The following NAAA variants were observed in gnomAD, a reference collection of about 807,000 sequenced individuals.
NAAA encodes N-acylethanolamine-hydrolyzing acid amidase.
A neutral mutation model predicts 44.8 loss-of-function variants in NAAA; 39 were observed. That is an observed-to-expected ratio of 0.87 (90% CI 0.67 to 1.14). The LOEUF (loss-of-function observed/expected upper bound fraction) is 1.14, where lower values mean the gene tolerates loss of function less well. Among genes scored for constraint, NAAA ranks in the 50% most tolerant of loss-of-function variants. NAAA has a pLI of 0.00. For missense variants in NAAA, 460 were observed against 467.8 expected (o/e 0.98, Z 0.15); for synonymous variants, 178 against 191.3 (o/e 0.93, Z 0.58).
intron 9 of NAAA, chr4:75,917,922 A>T (rs1039131849): frequency 4.1e-6 from 1 of 245,466 alleles, no homozygotes; most frequent in Non-Finnish European, 8.3e-6. Flanking sequence ...TCAGTGGAAC[A>T]AGGAACAGCT....
intron 3 of NAAA, among the ~76,000 whole-genome samples, chr4:75,931,879 G>C (rs1418528901): frequency 6.6e-6 from 1 of 152,156 alleles, no homozygotes; most frequent in Non-Finnish European, 1.5e-5. Flanking sequence ...CCAAAGGGGT[G>C]CACAAAGCAG....
At chr4:75,934,586 CA>C (rs1418335604) in intron 3 of NAAA, among the ~76,000 whole-genome samples, 3 of 151,996 alleles carry the variant, frequency 2.0e-5, no homozygotes, top group South Asian at 2.1e-4. Context: ...CTCGGCCTCC[CA>C]AAGTGTTGGG....
intron 4 of NAAA, among the ~76,000 whole-genome samples, chr4:75,930,103 CAAACA>C (rs977970782): frequency 1.1e-4 from 16 of 152,052 alleles, no homozygotes; most frequent in African/African-American, 3.6e-4. Context: ...CAAAAACAAA[CAAACA>C]AAACAAAACA....
intron 2 of NAAA, 135 bp from the exon 3 acceptor site, chr4:75,936,370 C>T (rs1727721262): frequency 1.1e-6 from 1 of 931,454 alleles, no homozygotes; most frequent in African/African-American, 1.7e-5. Context: ...TGCTATAATG[C>T]TTGTATAAGA....
At position 75,919,983 on chromosome 4, in the gene NAAA, G is replaced by A; in HGVS notation, c.903-8C>T. Reference sequence around the variant, plus strand: ...GCCTTGATGGCAGATGTTCTGTAAGGACAAAGGTCGAAGGTCACTTGGCAT... The same window carrying A: ...GCCTTGATGGCAGATGTTCTGTAAGAACAAAGGTCGAAGGTCACTTGGCAT... On this transcript the variant is annotated splice_region_variant and splice_polypyrimidine_tract_variant and intron_variant, in intron 7 of 10. Transcript: ENST00000286733. 3 of 1,613,300 alleles carry A rather than the reference G, an allele frequency of 1.9e-6. No homozygotes were observed. The highest frequency in any genetic ancestry group is 2.5e-6 in the Non-Finnish European group (3 of 1,179,306).
In NAAA at chr4:75,940,858, G is replaced by T. The variant is rs1320159340; in HGVS notation, c.92C>A (p.Pro31Gln). The change falls in exon 1 of 11, where the codon CCA (proline) becomes CAA (glutamine). Residue 31 changes from proline to glutamine, a missense_variant. Pro to Gln is a moderately conservative substitution (Grantham distance 76). Coordinates refer to ENST00000286733, the MANE Select transcript of NAAA (RefSeq NM_014435.4). ...GCTCACGTTGAAGCGCGGCGCTGCT[G>T]GGGGCGAGGCGGCTGACAGCCCGGC... ...AGAGLSAASP[P>Q]AAPRFNVSLD... 1 of 1,581,714 alleles carries T rather than the reference G, an allele frequency of 6.3e-7. No homozygotes were observed. The highest frequency in any genetic ancestry group is 1.7e-5 in the Admixed American group (1 of 58,568).
chr4:75,912,559 A>AC (rs111308696), downstream of NAAA, among the ~76,000 whole-genome samples: 70 of 130,800 alleles, frequency 5.4e-4, 1 homozygote, highest in East Asian at 6.6e-3. Flanking sequence ...GTCTGGAAAA[A>AC]AAAAAAAAAA....
chr4:75,928,411 T>C (rs1307118954), intron 4 of NAAA, among the ~76,000 whole-genome samples: 2 of 152,164 alleles, frequency 1.3e-5, no homozygotes, highest in East Asian at 3.8e-4. Context: ...AGTTCTGCTG[T>C]CAGAGCTGAT....
At chr4:75,915,096 T>A (rs531677264) in intron 9 of NAAA, 111 bp from the exon 10 acceptor site, 1 of 753,244 alleles carries the variant, frequency 1.3e-6, no homozygotes, top group African/African-American at 1.7e-5. Context: ...CAAGGCCCTT[T>A]ATGCCAGAAT....
rs1348359035 is a variant in NAAA, at chr4:75,914,108, G to T, written c.*267C>A. Reference sequence around the variant, plus strand: ...GACCAATTATCTTTGAGTTATTCAGGCCAGGATAGAAGCTTAGAGAGGATC... The same window carrying T: ...GACCAATTATCTTTGAGTTATTCAGTCCAGGATAGAAGCTTAGAGAGGATC... On this transcript the variant is annotated 3_prime_UTR_variant, in exon 11 of 11. Coordinates refer to ENST00000286733, the MANE Select transcript of NAAA (RefSeq NM_014435.4). 10 of 985,430 alleles carry T rather than the reference G, an allele frequency of 1.0e-5. No homozygotes were observed. Among genetic ancestry groups the T allele is most frequent in the South Asian group, 4.7e-5 (1 of 21,282 alleles). 61.0% of individuals were successfully genotyped at this position (985,430 alleles called of 1,614,324 possible).
Position 75,914,010 on chromosome 4 carries a change from G to C in NAAA, c.*365C>G. The C allele has an allele frequency of 1.0e-6, 1 of 985,352 alleles. No individual in the cohort carries two copies. Among genetic ancestry groups the C allele is most frequent in the Non-Finnish European group, 1.2e-6 (1 of 829,926 alleles). 61.0% of individuals were successfully genotyped at this position (985,352 alleles called of 1,614,324 possible). A position where few individuals can be genotyped will look rare whatever the true frequency, so the allele number is the denominator to read the frequency against. ...GGTCTTGCCAGCTCATTTCATTAGC[G>C]GAGAAGCAAAGGTATGATGGCAGAA... On this transcript the variant is annotated 3_prime_UTR_variant, in exon 11 of 11. Transcript: ENST00000286733.
chr4:75,939,100 G>A (rs538869269), intron 2 of NAAA, among the ~76,000 whole-genome samples: 1 of 152,186 alleles, frequency 6.6e-6, no homozygotes, highest in East Asian at 1.9e-4. Flanking sequence ...TGATTCACCC[G>A]CCTCGGCCTC....
At chr4:75,927,635 C>T (rs76848614) in intron 4 of NAAA, among the ~76,000 whole-genome samples, 2 of 4,360 alleles carry the variant, frequency 4.6e-4, no homozygotes, top group African/African-American at 3.2e-3. Flanking sequence ...TTTTTAATGC[C>T]CCCCCCCCCC....
chr4:75,928,895 C>T (rs1726979489), intron 4 of NAAA, among the ~76,000 whole-genome samples: 1 of 151,760 alleles, frequency 6.6e-6, no homozygotes, highest in Non-Finnish European at 1.5e-5. Context: ...TCACACCATT[C>T]TCCTGCCTCA....
chr4:75,927,591 C>T (rs1578063897), intron 4 of NAAA, among the ~76,000 whole-genome samples: 1 of 149,224 alleles, frequency 6.7e-6, no homozygotes, highest in Non-Finnish European at 1.5e-5. Flanking sequence ...ATAGTGAGAC[C>T]TTGTTTCTAC....
At chr4:75,934,125 A>G (rs1439836218) in intron 3 of NAAA, among the ~76,000 whole-genome samples, 1 of 151,230 alleles carries the variant, frequency 6.6e-6, no homozygotes, top group East Asian at 1.9e-4. Context: ...GCTGTAAACA[A>G]AAACTATCAG....
chr4:75,920,595 A>G (rs2280101), intron 7 of NAAA, 143 bp downstream of exon 7: 691,089 of 974,072 alleles, frequency 0.71, 248,883 homozygotes, highest in African/African-American at 0.94. Context: ...CTCCCTTCCC[A>G]GCCAAGGCAC....
At chr4:75,919,635 C>T (rs971329332) in intron 8 of NAAA, 6 of 531,450 alleles carry the variant, frequency 1.1e-5, no homozygotes, top group East Asian at 3.4e-5. Context: ...CCCGCCACTA[C>T]ACCTGGCTAA....
downstream of NAAA, among the ~76,000 whole-genome samples, chr4:75,912,904 T>A (rs1725387922): frequency 6.6e-6 from 1 of 152,154 alleles, no homozygotes; most frequent in African/African-American, 2.4e-5. Context: ...AATTAAACGG[T>A]ATTTATACGA....
Sources: allele counts gnomAD v4.1 joint callset (sites outside exome capture counted in the v4.1 genomes callset), GRCh38; gene constraint gnomAD v4.1.1; transcripts MANE v1.5; gene names NCBI Gene and HGNC (gene_info 2026-07-23, HGNC 2026-07-21).